The following MAD1L1 variants were observed in gnomAD, a reference collection of about 807,000 sequenced individuals.
MAD1L1 encodes the protein mitotic arrest deficient 1 like 1.
In MAD1L1, 95 loss-of-function variants were observed where a neutral mutation model predicts 96.9. The ratio of observed to expected loss-of-function variants is 0.98; its 90% CI spans 0.83 to 1.16. The LOEUF (loss-of-function observed/expected upper bound fraction) is 1.16. MAD1L1 is among the 50% of genes most tolerant of loss of function. The pLI is 0.00. For synonymous variants in MAD1L1, 473 were observed against 396.6 expected (o/e 1.19, Z -2.29); for missense variants, 1,007 against 954.4 (o/e 1.06, Z -0.73).
Position 1,927,164 on chromosome 7 carries a change from T to C in MAD1L1, c.1807+9523A>G, listed in dbSNP as rs1789135564. ...TAACAATAAAACCAACAAAACCATG[T>C]GTATTTCTAACAAAAAAGGGGTGGG... On this transcript the variant is annotated intron_variant, in intron 17 of 18. Coordinates refer to ENST00000265854, the MANE Select transcript of MAD1L1 (RefSeq NM_001013836.2). 3.3e-5 allele frequency among the ~76,000 whole-genome samples: 5 copies of C among 152,166 alleles called. No homozygotes were observed. The South Asian group carries it at 1.0e-3, about 32-fold the overall frequency.
chr7:1,822,033 G>GA (rs1224678406), intron 18 of MAD1L1, among the ~76,000 whole-genome samples: 1 of 152,114 alleles, frequency 6.6e-6, no homozygotes, highest in Non-Finnish European at 1.5e-5. Context: ...GCAATCTGCA[G>GA]AAAACTCCTA....
intron 17 of MAD1L1, among the ~76,000 whole-genome samples, chr7:1,901,846 C>T (rs1035092585): frequency 3.3e-5 from 5 of 152,240 alleles, no homozygotes; most frequent in African/African-American, 7.2e-5. Flanking sequence ...GCCTAGGAAG[C>T]AGCAACTCCC....
intron 18 of MAD1L1, among the ~76,000 whole-genome samples, chr7:1,857,429 CCA>C (rs1399800848): frequency 1.3e-5 from 2 of 152,192 alleles, no homozygotes; most frequent in Non-Finnish European, 2.9e-5. Flanking sequence ...GCCCCATGAC[CCA>C]CAGTCAGGCC....
chr7:2,066,018 T>A (rs1006678643), intron 12 of MAD1L1, among the ~76,000 whole-genome samples: 1 of 152,240 alleles, frequency 6.6e-6, no homozygotes, highest in Non-Finnish European at 1.5e-5. Flanking sequence ...AATTTTCAAC[T>A]GCTTAAAATA....
At chr7:2,109,569 T>C (rs1043773963) in intron 11 of MAD1L1, 3 of 152,186 alleles carry the variant, frequency 2.0e-5, no homozygotes, top group Non-Finnish European at 4.4e-5. Context: ...GTGTCAGCTT[T>C]AGGGACTACA....
intron 10 of MAD1L1, among the ~76,000 whole-genome samples, chr7:2,166,463 T>C (rs1790431984): frequency 1.3e-5 from 2 of 149,580 alleles, no homozygotes; most frequent in South Asian, 4.3e-4. Context: ...AGAGGCGCTG[T>C]TTGAACTGTT....
intron 14 of MAD1L1, among the ~76,000 whole-genome samples, chr7:1,984,264 C>T (rs1041027195): frequency 1.3e-5 from 2 of 151,980 alleles, no homozygotes; most frequent in African/African-American, 2.4e-5. Flanking sequence ...TTCTTGATTT[C>T]ACATCACACT....
intron 13 of MAD1L1, among the ~76,000 whole-genome samples, chr7:2,008,949 G>C (rs1782162668): frequency 1.3e-5 from 2 of 152,226 alleles, no homozygotes; most frequent in Admixed American, 6.5e-5. Flanking sequence ...AGCACTGAGG[G>C]GTGCGGAGGC....
intron 12 of MAD1L1, among the ~76,000 whole-genome samples, chr7:2,022,259 C>T (rs926969046): frequency 9.9e-5 from 15 of 152,210 alleles, no homozygotes; most frequent in East Asian, 5.8e-4. Context: ...GCGTGTTCTG[C>T]GGGAGGCGCC....
At position 1,904,207 on chromosome 7, in the gene MAD1L1, G is replaced by A. The variant is rs1335247809; in HGVS notation, c.1808-5817C>T. Reference sequence around the variant, plus strand: ...TTAATGAAGCACTGTTCCAGGCAGCGAGCACGCAGTGGCCTATTGAAGAAG... The same window carrying A: ...TTAATGAAGCACTGTTCCAGGCAGCAAGCACGCAGTGGCCTATTGAAGAAG... On this transcript the variant is annotated intron_variant, in intron 17 of 18. Coordinates refer to ENST00000265854, the MANE Select transcript of MAD1L1 (RefSeq NM_001013836.2). Among the ~76,000 whole-genome samples the A allele has an allele frequency of 2.5e-4, 36 of 146,912 alleles. 1 individual carries two copies. Among genetic ancestry groups the A allele is most frequent in the African/African-American group, 9.2e-4 (35 of 37,962 alleles).
chr7:1,851,321 A>G (rs974368213), intron 18 of MAD1L1, among the ~76,000 whole-genome samples: 1 of 152,156 alleles, frequency 6.6e-6, no homozygotes, highest in African/African-American at 2.4e-5. Context: ...GGCTGAGCCC[A>G]TGGAGAAGGT....
At chr7:1,984,303 C>G (rs1781050614) in intron 14 of MAD1L1, among the ~76,000 whole-genome samples, 1 of 152,172 alleles carries the variant, frequency 6.6e-6, no homozygotes, top group African/African-American at 2.4e-5. Flanking sequence ...ATTAGTTCTA[C>G]TTATTTTAAT....
intron 15 of MAD1L1, among the ~76,000 whole-genome samples, chr7:1,964,312 G>A (rs950797587): frequency 1.3e-5 from 2 of 152,206 alleles, no homozygotes; most frequent in African/African-American, 4.8e-5. Flanking sequence ...AGGCTTGGGA[G>A]CAAAATGCTT....
At chr7:1,988,690 A>C (rs1005084053) in intron 14 of MAD1L1, among the ~76,000 whole-genome samples, 1 of 152,242 alleles carries the variant, frequency 6.6e-6, no homozygotes, top group African/African-American at 2.4e-5. Flanking sequence ...CGCCACAGGC[A>C]GACTTCTTGG....
chr7:2,201,341 A>G (rs1315712333), intron 10 of MAD1L1, among the ~76,000 whole-genome samples: 1 of 152,146 alleles, frequency 6.6e-6, no homozygotes, highest in African/African-American at 2.4e-5. Context: ...AAAGCTGCCC[A>G]GACCCTTCCT....
At chr7:2,074,247 C>T (rs1056630993) in intron 11 of MAD1L1, among the ~76,000 whole-genome samples, 1 of 152,140 alleles carries the variant, frequency 6.6e-6, no homozygotes, top group East Asian at 1.9e-4. Flanking sequence ...AGAAGCCACG[C>T]GTGTGGCATG....
At chr7:1,956,708 C>T (rs540598160) in intron 16 of MAD1L1, among the ~76,000 whole-genome samples, 5 of 152,362 alleles carry the variant, frequency 3.3e-5, no homozygotes, top group African/African-American at 7.2e-5. Context: ...AGGAGTGCTC[C>T]GCTAGTGAGC....
chr7:1,851,333 G>C (rs901333048), intron 18 of MAD1L1, among the ~76,000 whole-genome samples: 2 of 152,218 alleles, frequency 1.3e-5, no homozygotes, highest in Non-Finnish European at 2.9e-5. Flanking sequence ...GGAGAAGGTG[G>C]GGGAGGGTGT....
chr7:2,025,936 G>T lies in MAD1L1; in HGVS notation c.1219-11294C>A, dbSNP rs138576437. Among the ~76,000 whole-genome samples, 207 of 152,032 alleles carry T rather than the reference G, an allele frequency of 1.4e-3. 2 individuals are homozygous for T. Among genetic ancestry groups the T allele is most frequent in the African/African-American group, 4.7e-3 (197 of 41,486 alleles). The stretch of plus-strand genomic sequence containing the variant: ...CGATTAAGATGTTTTCATAAAAAAC[G>T]AATAAAAACTAAAGGCAACTATTAA... On this transcript the variant is annotated intron_variant, in intron 12 of 18. Coordinates refer to ENST00000265854, the MANE Select transcript of MAD1L1 (RefSeq NM_001013836.2).
Sources: gnomAD v4.1 joint callset for allele counts (sites outside exome capture counted in the v4.1 genomes callset) on GRCh38, gnomAD v4.1.1 for gene constraint, MANE v1.5 for transcripts, NCBI Gene and HGNC (gene_info 2026-07-23, HGNC 2026-07-21) for gene names.